Variants in ROBO2 observed in about 807,000 individuals in gnomAD.
ROBO2 encodes the protein roundabout homolog 2.
In ROBO2, 53 loss-of-function variants were observed where a neutral mutation model predicts 160.8. The ratio of observed to expected loss-of-function variants is 0.33; its 90% confidence interval spans 0.26 to 0.41. The LOEUF is 0.41. ROBO2 is among the 10% of genes least tolerant of loss of function. The probability of loss-of-function intolerance (pLI) is 1.00; values close to 1 mark genes in which losing one functional copy is unlikely to be tolerated. For synonymous variants in ROBO2, 664 were observed against 611.7 expected (o/e 1.09, Z -1.26); for missense variants, 1,577 against 1,722.4 (o/e 0.92, Z 1.49).
chr3:76,492,791 A>G (rs1032472833), intron 2 of ROBO2, among the ~76,000 whole-genome samples: 2 of 152,116 alleles, frequency 1.3e-5, no homozygotes, highest in African/African-American at 4.8e-5. Context: ...TTTTCCACTA[A>G]AATGACAAAC....
At chr3:76,105,339 GAAT>G (rs1414752015) in intron 2 of ROBO2, among the ~76,000 whole-genome samples, 2 of 152,026 alleles carry the variant, frequency 1.3e-5, no homozygotes, top group Non-Finnish European at 2.9e-5. Flanking sequence ...ATATTTTCAA[GAAT>G]AATATAACAA....
At chr3:76,534,913 G>A (rs1245505798) in intron 2 of ROBO2, among the ~76,000 whole-genome samples, 1 of 152,008 alleles carries the variant, frequency 6.6e-6, no homozygotes, top group East Asian at 1.9e-4. Flanking sequence ...CTGTAAAGAA[G>A]AAGGTCATCA....
intron 13 of ROBO2, 40 bp from the exon 15 acceptor site, chr3:77,574,459 C>T: frequency 1.3e-6 from 2 of 1,529,076 alleles, no homozygotes; most frequent in Non-Finnish European, 1.8e-6. Flanking sequence ...GTCTAAAATA[C>T]TTTCCTTTAG....
intron 2 of ROBO2, among the ~76,000 whole-genome samples, chr3:77,181,330 T>C (rs1443926055): frequency 7.9e-5 from 12 of 151,908 alleles, no homozygotes; most frequent in Admixed American, 5.3e-4. Context: ...AGGCCACCCA[T>C]GCTTCCAGGG....
chr3:76,229,160 A>T (rs1326400337), intron 2 of ROBO2, among the ~76,000 whole-genome samples: 1 of 152,220 alleles, frequency 6.6e-6, no homozygotes, highest in East Asian at 1.9e-4. Flanking sequence ...AATACATTTA[A>T]TGTTGAATTA....
intron 2 of ROBO2, among the ~76,000 whole-genome samples, chr3:77,451,495 C>G (rs901221346): frequency 6.6e-6 from 1 of 152,066 alleles, no homozygotes; most frequent in East Asian, 1.9e-4. Context: ...CCATAGGGTA[C>G]AGGTATGTTT....
chr3:77,039,645 C>G (rs966746610), upstream of ROBO2, among the ~76,000 whole-genome samples: 3 of 152,116 alleles, frequency 2.0e-5, no homozygotes, highest in Admixed American at 6.5e-5. Flanking sequence ...CTCCGTCCCC[C>G]CGGGGACTCT....
chr3:77,498,624 G>C (rs1233327288), intron 5 of ROBO2, among the ~76,000 whole-genome samples: 10 of 140,438 alleles, frequency 7.1e-5, no homozygotes, highest in Admixed American at 7.0e-4. Flanking sequence ...TTTTTTTTTT[G>C]GATGGCATTT....
intron 2 of ROBO2, among the ~76,000 whole-genome samples, chr3:77,293,175 C>G (rs2153396461): frequency 6.8e-6 from 1 of 147,706 alleles, no homozygotes; most frequent in African/African-American, 2.5e-5. Flanking sequence ...GAGGCTAGAA[C>G]AGTAAAGACA....
chr3:76,706,270 T>G (rs1023966719), intron 2 of ROBO2, among the ~76,000 whole-genome samples: 2 of 152,210 alleles, frequency 1.3e-5, no homozygotes, highest in East Asian at 3.9e-4. Flanking sequence ...ACATTGTTCA[T>G]TTTTTATCTT....
chr3:76,866,080 T>C (rs1186085224), intron 2 of ROBO2, among the ~76,000 whole-genome samples: 1 of 152,054 alleles, frequency 6.6e-6, no homozygotes, highest in Non-Finnish European at 1.5e-5. Context: ...GCCTTGAGGG[T>C]GCATGTTTCA....
intron 2 of ROBO2, among the ~76,000 whole-genome samples, chr3:76,315,267 T>G (rs969128894): frequency 2.0e-5 from 3 of 152,190 alleles, no homozygotes; most frequent in African/African-American, 7.2e-5. Context: ...CAACGAAGTA[T>G]GAAGTGATCA....
intron 2 of ROBO2, among the ~76,000 whole-genome samples, chr3:77,231,568 G>C (rs1313050651): frequency 6.6e-6 from 1 of 151,680 alleles, no homozygotes; most frequent in East Asian, 1.9e-4. Context: ...TAAGAAAATA[G>C]AGGTGGCCAC....
chr3:77,099,690 T>C (rs2071636659), intron 2 of ROBO2, among the ~76,000 whole-genome samples: 1 of 152,324 alleles, frequency 6.6e-6, no homozygotes, highest in East Asian at 1.9e-4. Context: ...TTTTCAAACA[T>C]ATTGAAATAC....
At chr3:77,585,752 T>G (rs2094030364) in intron 16 of ROBO2, among the ~76,000 whole-genome samples, 1 of 152,086 alleles carries the variant, frequency 6.6e-6, no homozygotes, top group African/African-American at 2.4e-5. Flanking sequence ...CCTTCGTATC[T>G]ACCTTAACAT....
At chr3:76,762,985 AAATT>A (rs577224858) in intron 2 of ROBO2, among the ~76,000 whole-genome samples, 197 of 151,866 alleles carry the variant, frequency 1.3e-3, no homozygotes, top group African/African-American at 4.6e-3. Flanking sequence ...ATAAATTGGT[AAATT>A]AATTAAGCTA....
intron 2 of ROBO2, among the ~76,000 whole-genome samples, chr3:76,494,710 G>T (rs1172471594): frequency 3.9e-5 from 6 of 152,214 alleles, no homozygotes; most frequent in Admixed American, 2.0e-4. Context: ...ACTGGCAGAA[G>T]TTGGGGTGGC....
intron 2 of ROBO2, among the ~76,000 whole-genome samples, chr3:76,519,031 CAAG>C (rs757873749): frequency 3.6e-4 from 55 of 152,182 alleles, no homozygotes; most frequent in Admixed American, 1.1e-3. Context: ...GGGGTGACCA[CAAG>C]AAGAAGAGGT....
chr3:77,134,356 T>C (rs1199545704), intron 2 of ROBO2, among the ~76,000 whole-genome samples: 12 of 152,250 alleles, frequency 7.9e-5, no homozygotes, highest in Admixed American at 7.9e-4. Flanking sequence ...GTACCGATTT[T>C]GGTCAAAGCA....
Sources: gnomAD v4.1 joint callset for allele counts (sites outside exome capture counted in the v4.1 genomes callset) on GRCh38, gnomAD v4.1.1 for gene constraint, MANE v1.5 for transcripts, NCBI Gene and HGNC (gene_info 2026-07-23, HGNC 2026-07-21) for gene names.